Variants in ZFYVE1 observed in about 807,000 individuals in gnomAD.
ZFYVE1 encodes the protein zinc finger FYVE-type containing 1.
A neutral mutation model predicts 74.4 loss-of-function variants in ZFYVE1; 30 were observed. The observed-to-expected ratio is 0.40, with a 90% CI of 0.30 to 0.55. The LOEUF (loss-of-function observed/expected upper bound fraction) is 0.55. Ranked by LOEUF, ZFYVE1 falls within the 20% of genes least tolerant of loss-of-function variation. ZFYVE1 has a pLI of 0.42. For missense variants in ZFYVE1, 703 were observed against 1,011.6 expected (o/e 0.69, Z 4.14); for synonymous variants, 335 against 385.1 (o/e 0.87, Z 1.52).
intron 4 of ZFYVE1, among the ~76,000 whole-genome samples, chr14:72,983,454 T>C (rs1180301719): frequency 1.3e-5 from 2 of 150,666 alleles, no homozygotes; most frequent in African/African-American, 4.9e-5. Flanking sequence ...ATGCGGTGTT[T>C]GGTTTTTTGT....
intron 4 of ZFYVE1, among the ~76,000 whole-genome samples, chr14:72,984,516 G>A (rs1490720362): frequency 6.6e-6 from 1 of 150,968 alleles, no homozygotes; most frequent in African/African-American, 2.4e-5. Context: ...GTGACAGGGT[G>A]AGACTCCGTC....
chr14:72,986,425 T>G (rs1055086642), intron 4 of ZFYVE1, among the ~76,000 whole-genome samples: 47 of 151,558 alleles, frequency 3.1e-4, no homozygotes, highest in African/African-American at 1.0e-3. Flanking sequence ...CTTGACAAGT[T>G]TCAGGAGGCT....
intron 4 of ZFYVE1, 40 bp downstream of exon 4, chr14:72,993,103 G>A (rs570267060): frequency 1.8e-5 from 27 of 1,525,350 alleles, no homozygotes; most frequent in Non-Finnish European, 2.2e-5. Context: ...CCACCCACTG[G>A]CACCCCAATG....
chr14:73,022,708 A>G (rs1479088790), intron 2 of ZFYVE1, among the ~76,000 whole-genome samples: 3 of 152,192 alleles, frequency 2.0e-5, no homozygotes, highest in African/African-American at 7.2e-5. Context: ...TAGACATTAC[A>G]CTACCTTCAT....
At position 72,971,128 on chromosome 14, in the gene ZFYVE1, C is replaced by A; in HGVS notation, c.2102-14G>T. 1 of 1,613,776 alleles carries A rather than the reference C, an allele frequency of 6.2e-7. No individual in the cohort carries two copies. ...CCTTTACCAGACCTAAGGCAGGGAACAATGGTCAGGGCACCCAAAGCCCAA... is the reference window on the plus strand; with the variant it reads ...CCTTTACCAGACCTAAGGCAGGGAAAAATGGTCAGGGCACCCAAAGCCCAA... On this transcript the variant is annotated splice_polypyrimidine_tract_variant and intron_variant, in intron 11 of 11. Transcript: ENST00000556143.
chr14:73,024,085 T>C lies in ZFYVE1; in HGVS notation c.424A>G (p.Lys142Glu). 1.2e-5 allele frequency: 20 copies of C among 1,614,192 alleles called. No individual in the cohort carries two copies. The highest frequency in any genetic ancestry group is 1.7e-5 in the Non-Finnish European group (20 of 1,180,044). The change falls in exon 2 of 12, where the codon AAG (lysine) becomes GAG (glutamate). Residue 142 changes from lysine (K) to glutamate (E), a missense_variant. Coordinates refer to ENST00000556143, the MANE Select transcript of ZFYVE1 (RefSeq NM_021260.4). Reference sequence around the variant, plus strand: ...CTCACAACCTTCTCAGTCATCTTCTTCCTCTTGGTCTCCTCATCCATCTCT... The same window carrying C: ...CTCACAACCTTCTCAGTCATCTTCTCCCTCTTGGTCTCCTCATCCATCTCT... ...AEEMDEETKR[K>E]KMTEKVVSFL...
In ZFYVE1 at chr14:72,975,886, C is replaced by T; in HGVS notation, c.1636-165G>A. On this transcript the variant is annotated intron_variant, in intron 8 of 11. Transcript: ENST00000556143. This position sits in a 1 kb window ranked among gnomAD's most constrained non-coding sequence, Gnocchi z 4.1. ...CCAGGAATCCCTCTGGCTTTATTCT[C>T]TTCAAAGTGACCATAAGACTTGATG... 1.4e-6 allele frequency: 1 copy of T among 739,500 alleles called. No individual in the cohort carries two copies. The highest frequency in any genetic ancestry group is 2.7e-5 in the East Asian group (1 of 36,462). The allele number at this position is 739,500 out of a possible 1,614,324, so 45.8% of individuals were successfully genotyped here.
intron 2 of ZFYVE1, among the ~76,000 whole-genome samples, chr14:73,021,512 A>G (rs1317808732): frequency 6.6e-6 from 1 of 152,244 alleles, no homozygotes; most frequent in Non-Finnish European, 1.5e-5. Flanking sequence ...AATCTAGCTG[A>G]ATTTATAACC....
intron 2 of ZFYVE1, among the ~76,000 whole-genome samples, chr14:73,004,678 G>C (rs1198664063): frequency 1.3e-5 from 2 of 151,886 alleles, no homozygotes; most frequent in Non-Finnish European, 2.9e-5. Context: ...ATCCCTTAAC[G>C]TGCACCGACT....
chr14:72,970,569 C>A lies in ZFYVE1; in HGVS notation c.*313G>T. ...TTCACAGCCAGCAGCAGCCTCGATACGCCCCGAGTGCCTTTCATATGTATA... is the reference window on the plus strand; with the variant it reads ...TTCACAGCCAGCAGCAGCCTCGATAAGCCCCGAGTGCCTTTCATATGTATA... On this transcript the variant is annotated 3_prime_UTR_variant, in exon 12 of 12. Transcript: ENST00000556143. 3.1e-6 allele frequency: 1 copy of A among 322,004 alleles called. No homozygotes were observed. The highest frequency in any genetic ancestry group is 6.6e-5 in the East Asian group (1 of 15,064). The allele number at this position is 322,004 out of a possible 1,614,324, so 19.9% of individuals were successfully genotyped here.
At chr14:73,019,780 C>T (rs1266811745) in intron 2 of ZFYVE1, among the ~76,000 whole-genome samples, 4 of 151,576 alleles carry the variant, frequency 2.6e-5, no homozygotes, top group African/African-American at 4.9e-5. Flanking sequence ...GGTGAAACCC[C>T]GTCTCTACTA....
chr14:73,009,427 C>T (rs1894043270), intron 2 of ZFYVE1, among the ~76,000 whole-genome samples: 1 of 152,196 alleles, frequency 6.6e-6, no homozygotes, highest in Non-Finnish European at 1.5e-5. Flanking sequence ...AGAGTCATCA[C>T]CATCAGCTGG....
chr14:72,995,719 C>T (rs1893728617), intron 3 of ZFYVE1, among the ~76,000 whole-genome samples: 1 of 152,134 alleles, frequency 6.6e-6, no homozygotes, highest in African/African-American at 2.4e-5. Flanking sequence ...TCTGCTCCTT[C>T]ACTGGGGAAC....
At chr14:73,016,834 A>C (rs776694493) in intron 2 of ZFYVE1, among the ~76,000 whole-genome samples, 2 of 152,178 alleles carry the variant, frequency 1.3e-5, no homozygotes, top group African/African-American at 2.4e-5. Context: ...AGATTGTGCC[A>C]CTGCACTCCA....
chr14:73,008,711 C>T (rs1447645640), intron 2 of ZFYVE1, among the ~76,000 whole-genome samples: 1 of 152,082 alleles, frequency 6.6e-6, no homozygotes, highest in Non-Finnish European at 1.5e-5. Context: ...ATGCAGCTGC[C>T]TTTTTAAGTG....
chr14:73,019,296 A>G (rs77177307), intron 2 of ZFYVE1, among the ~76,000 whole-genome samples: 10,641 of 152,168 alleles, frequency 0.07, 529 homozygotes, highest in South Asian at 0.18. Flanking sequence ...ACCTCTATCT[A>G]TGGGCCGGGC....
intron 2 of ZFYVE1, among the ~76,000 whole-genome samples, chr14:73,014,929 T>C (rs778602664): frequency 3.9e-5 from 6 of 152,014 alleles, no homozygotes; most frequent in Middle Eastern, 3.2e-3. Context: ...TACACCCAGT[T>C]TGTGGTAAAG....
chr14:73,015,992 T>G (rs80017280), intron 2 of ZFYVE1, among the ~76,000 whole-genome samples: 1 of 152,146 alleles, frequency 6.6e-6, no homozygotes, highest in Non-Finnish European at 1.5e-5. Flanking sequence ...TTTTACTGTT[T>G]CACCTTTCTT....
Position 73,026,940 on chromosome 14 carries a change from G to T in ZFYVE1, c.-449C>A. 1 of 398,680 alleles carries T rather than the reference G, an allele frequency of 2.5e-6. No individual in the cohort carries two copies. Among genetic ancestry groups the T allele is most frequent in the South Asian group, 1.3e-4 (1 of 7,868 alleles). 24.7% of individuals were successfully genotyped at this position (398,680 alleles called of 1,614,324 possible). ...GGGGATCCCACCACTGAGAAGCTCG[G>T]CCGCAGCAAGGCGGCGTCGGGGGGC... On this transcript the variant is annotated 5_prime_UTR_variant, in exon 1 of 12. Transcript: ENST00000556143.
Sources: gnomAD v4.1 joint callset for allele counts (sites outside exome capture counted in the v4.1 genomes callset) on GRCh38, gnomAD v4.1.1 for gene constraint, Gnocchi (gnomAD v3.1) non-coding constraint, MANE v1.5 for transcripts, NCBI Gene and HGNC (gene_info 2026-07-23, HGNC 2026-07-21) for gene names.